Variants in CNTNAP4 observed in about 807,000 individuals in gnomAD.
The protein encoded by CNTNAP4 is contactin-associated protein-like 4.
A neutral mutation model predicts 148.4 loss-of-function variants in CNTNAP4; 98 were observed. The observed-to-expected ratio is 0.66, with a 90% CI of 0.56 to 0.78. The LOEUF (loss-of-function observed/expected upper bound fraction) is 0.78. CNTNAP4 is among the 30% of genes least tolerant of loss of function. CNTNAP4 has a pLI of 0.00. For synonymous variants in CNTNAP4, 730 were observed against 565.1 expected (o/e 1.29, Z -4.14); for missense variants, 1,935 against 1,565.6 (o/e 1.24, Z -3.98).
chr16:76,288,452 G>A (rs368137044), intron 1 of CNTNAP4, among the ~76,000 whole-genome samples: 21 of 152,012 alleles, frequency 1.4e-4, no homozygotes, highest in South Asian at 8.3e-4. Flanking sequence ...TTCCCTTTGC[G>A]TAAATTACCC....
At chr16:76,533,046 T>C (rs1162556520) in intron 17 of CNTNAP4, among the ~76,000 whole-genome samples, 1 of 152,092 alleles carries the variant, frequency 6.6e-6, no homozygotes, top group Non-Finnish European at 1.5e-5. Context: ...CCTAAGTTTA[T>C]TGCAACACTA....
rs188176248 is a variant in CNTNAP4 at position 76,339,543 on chromosome 16, A to G, written c.197-15775A>G. Among the ~76,000 whole-genome samples the G allele has an allele frequency of 2.6e-5, 4 of 152,326 alleles. No individual in the cohort carries two copies. In the East Asian group the frequency reaches 7.7e-4, roughly 29 times the overall value. The stretch of plus-strand genomic sequence containing the variant: ...AGAGAAGATTGATGGGAATTAATCA[A>G]AACTATTTCTTAGAAAAGAAATGAC... On this transcript the variant is annotated intron_variant, in intron 2 of 23. Transcript: ENST00000611870.
In CNTNAP4 at chr16:76,558,795, A is replaced by C; in HGVS notation, c.*112A>C. On this transcript the variant is annotated 3_prime_UTR_variant, in exon 24 of 24. Transcript: ENST00000611870. The stretch of plus-strand genomic sequence containing the variant: ...AATGTACAGGCAGTGGGCTTGCAGC[A>C]CTGCCATCTTGCCATGTACAGGCTT... 1 of 774,478 alleles carries C rather than the reference A, an allele frequency of 1.3e-6. No homozygotes were observed. Among genetic ancestry groups the C allele is most frequent in the South Asian group, 2.2e-5 (1 of 45,352 alleles). 48.0% of individuals were successfully genotyped at this position (774,478 alleles called of 1,614,324 possible).
intron 3 of CNTNAP4, among the ~76,000 whole-genome samples, chr16:76,416,014 T>G (rs4363879): frequency 0.38 from 56,929 of 150,106 alleles, 11,010 homozygotes; most frequent in Middle Eastern, 0.49. Context: ...TTAATTTGCT[T>G]TATTTTTCCC....
intron 3 of CNTNAP4, among the ~76,000 whole-genome samples, chr16:76,371,838 T>C (rs1005735146): frequency 6.6e-6 from 1 of 152,354 alleles, no homozygotes; most frequent in Non-Finnish European, 1.5e-5. Flanking sequence ...TCTTCAGTTA[T>C]CTAAGGCATG....
intron 4 of CNTNAP4, among the ~76,000 whole-genome samples, chr16:76,446,555 T>C (rs2080254466): frequency 6.6e-6 from 1 of 152,152 alleles, no homozygotes; most frequent in African/African-American, 2.4e-5. Context: ...AAGAGTGATT[T>C]TGACAATAAG....
intron 1 of CNTNAP4, among the ~76,000 whole-genome samples, chr16:76,290,657 C>A (rs1959077084): frequency 6.6e-6 from 1 of 152,178 alleles, no homozygotes; most frequent in Non-Finnish European, 1.5e-5. Flanking sequence ...CTCCTTTCTG[C>A]AAGATTGCAG....
chr16:76,505,639 A>G (rs1319895644), intron 15 of CNTNAP4, among the ~76,000 whole-genome samples: 3 of 97,910 alleles, frequency 3.1e-5, no homozygotes, highest in African/African-American at 7.7e-5. Flanking sequence ...CATAACATTA[A>G]TATATTTTAA....
intron 23 of CNTNAP4, chr16:76,558,033 A>G (rs2085268535): frequency 6.6e-6 from 1 of 152,634 alleles, no homozygotes; most frequent in South Asian, 2.1e-4. Flanking sequence ...TATTTACATA[A>G]CCCATTTCTG....
intron 15 of CNTNAP4, among the ~76,000 whole-genome samples, chr16:76,506,297 A>G (rs4417572): frequency 0.75 from 68,124 of 91,076 alleles, 30,402 homozygotes; most frequent in East Asian, 0.89. Context: ...ACAGATTTCC[A>G]CTCCTTATCC....
intron 21 of CNTNAP4, among the ~76,000 whole-genome samples, chr16:76,552,148 A>AGAAT (rs71134767): frequency 6.6e-6 from 1 of 152,160 alleles, no homozygotes; most frequent in African/African-American, 2.4e-5. Flanking sequence ...AGGAGAGAGA[A>AGAAT]GAAGGATGAA....
intron 21 of CNTNAP4, among the ~76,000 whole-genome samples, chr16:76,541,347 C>T (rs1004342409): frequency 8.5e-5 from 13 of 152,198 alleles, no homozygotes; most frequent in Admixed American, 2.0e-4. Flanking sequence ...AATTACAGCA[C>T]TGGAGTAGAA....
At chr16:76,458,116 AC>A (rs1477373193) in intron 8 of CNTNAP4, among the ~76,000 whole-genome samples, 3 of 152,180 alleles carry the variant, frequency 2.0e-5, no homozygotes, top group African/African-American at 7.2e-5. Context: ...GTTGCTGCAA[AC>A]AATGTTATTC....
chr16:76,369,268 A>G lies in CNTNAP4; in HGVS notation c.390+13757A>G, dbSNP rs555793405. Among the ~76,000 whole-genome samples the G allele has an allele frequency of 6.6e-5, 10 of 152,328 alleles. No homozygotes were observed. In the South Asian group the frequency reaches 1.7e-3, roughly 25 times the overall value. ...TTTCATTTTAAGTTATTCATTTCAT[A>G]TAATTTTTCTTTAAAATTTTTAAGC... On this transcript the variant is annotated intron_variant, in intron 3 of 23. Coordinates refer to ENST00000611870, the MANE Select transcript of CNTNAP4 (RefSeq NM_033401.5).
intron 3 of CNTNAP4, among the ~76,000 whole-genome samples, chr16:76,414,108 A>G (rs1165382012): frequency 6.6e-6 from 1 of 151,352 alleles, no homozygotes; most frequent in Non-Finnish European, 1.5e-5. Flanking sequence ...AAGGGTCTAT[A>G]CAGAACATAC....
chr16:76,316,630 T>C, intron 2 of CNTNAP4, 107 bp downstream of exon 2: 2 of 748,240 alleles, frequency 2.7e-6, no homozygotes, highest in Non-Finnish European at 2.3e-6. Context: ...AAAGTAAATT[T>C]CGAAATAAGC....
intron 12 of CNTNAP4, among the ~76,000 whole-genome samples, chr16:76,483,262 A>ACACACACACG (rs2081908415): frequency 6.6e-6 from 1 of 151,804 alleles, no homozygotes; most frequent in African/African-American, 2.4e-5. Context: ...ACACACACAC[A>ACACACACACG]CACACACACA....
chr16:76,532,422 CA>C (rs1308140570), intron 17 of CNTNAP4, among the ~76,000 whole-genome samples: 2 of 152,048 alleles, frequency 1.3e-5, no homozygotes, highest in Admixed American at 1.3e-4. Flanking sequence ...ACTAAACAAA[CA>C]CAAAAAAATC....
chr16:76,551,404 AATAT>A (rs71272457), intron 21 of CNTNAP4, among the ~76,000 whole-genome samples: 2 of 139,494 alleles, frequency 1.4e-5, no homozygotes, highest in African/African-American at 5.4e-5. Context: ...TTAAAAAAAA[AATAT>A]ATATATATAT....
Sources: allele counts gnomAD v4.1 joint callset (sites outside exome capture counted in the v4.1 genomes callset), GRCh38; gene constraint gnomAD v4.1.1; transcripts MANE v1.5; gene names NCBI Gene and HGNC (gene_info 2026-07-23, HGNC 2026-07-21).